SUN1: variants seen among roughly 807,000 people sequenced by gnomAD.
The protein encoded by SUN1 is Sad1 and UNC84 domain containing 1.
In SUN1, 61 loss-of-function variants were observed where a neutral mutation model predicts 103.2. The observed-to-expected ratio is 0.59, with a 90% CI of 0.48 to 0.73. The LOEUF (loss-of-function observed/expected upper bound fraction) is 0.73, where lower values mean the gene tolerates loss of function less well. SUN1 is among the 30% of genes least tolerant of loss of function. The pLI, the probability that SUN1 is intolerant of heterozygous loss-of-function variation, is 0.00. For missense variants in SUN1, 1,052 were observed against 1,034.6 expected, an observed-to-expected ratio of 1.02 and a Z score of -0.23; for synonymous variants, 490 against 425.7, an observed-to-expected ratio of 1.15 and a Z score of -1.86.
upstream of SUN1, among the ~76,000 whole-genome samples, chr7:829,678 C>T (rs1001291127): frequency 1.3e-5 from 2 of 152,172 alleles, no homozygotes; most frequent in South Asian, 4.2e-4. Context: ...CCTCAGCCTC[C>T]CGAGTACCTG....
intron 5 of SUN1, chr7:848,656 C>CT (rs1283722652): frequency 1.6e-6 from 2 of 1,275,522 alleles, no homozygotes; most frequent in Non-Finnish European, 2.0e-6. Context: ...ACCAATCACA[C>CT]TTTCGCAGTG....
chr7:833,375 A>T (rs1271254578), intron 1 of SUN1: 3 of 151,056 alleles, frequency 2.0e-5, no homozygotes, highest in Non-Finnish European at 4.4e-5. Context: ...CAGTGGTGCA[A>T]TCTCGGCTCA....
chr7:816,953 G>A (rs1415288848), intron 1 of SUN1: 1 of 152,638 alleles, frequency 6.6e-6, no homozygotes, highest in African/African-American at 2.4e-5. Flanking sequence ...CTCGTGGCGC[G>A]GGGTCGGGGG....
upstream of SUN1, among the ~76,000 whole-genome samples, chr7:829,474 C>T (rs1365872190): frequency 1.3e-5 from 2 of 151,900 alleles, no homozygotes; most frequent in Admixed American, 1.3e-4. Context: ...ATCGGTGGAC[C>T]TTTGCCTTTC....
chr7:831,984 A>G (rs925019075), upstream of SUN1: 11 of 958,042 alleles, frequency 1.1e-5, no homozygotes, highest in Admixed American at 6.1e-5. Context: ...AAAAGTGTAA[A>G]TAGTGCCTTA....
chr7:828,780 G>T (rs1295768456), upstream of SUN1, among the ~76,000 whole-genome samples: 1 of 152,168 alleles, frequency 6.6e-6, no homozygotes, highest in Non-Finnish European at 1.5e-5. Flanking sequence ...AGTGTCGATG[G>T]CTCTCCACCC....
chr7:820,318 T>C (rs1210782446), intron 1 of SUN1, among the ~76,000 whole-genome samples: 1 of 152,268 alleles, frequency 6.6e-6, no homozygotes, highest in African/African-American at 2.4e-5. Flanking sequence ...TCCTAAGTTT[T>C]TAATACTTTC....
intron 1 of SUN1, among the ~76,000 whole-genome samples, chr7:826,847 A>G (rs897665245): frequency 6.6e-6 from 1 of 152,142 alleles, no homozygotes; most frequent in African/African-American, 2.4e-5. Flanking sequence ...CCCATTGTTC[A>G]TGAGTGTTTC....
At position 821,158 on chromosome 7, in the gene SUN1, C is replaced by CTTTT. The variant is rs71546461; in HGVS notation, c.-74+4511_-74+4514dup. Among the ~76,000 whole-genome samples the CTTTT allele has an allele frequency of 2.9e-3, 201 of 68,996 alleles. 34 individuals are homozygous for CTTTT. The highest frequency in any genetic ancestry group is 6.3e-3 in the African/African-American group (108 of 17,216). The allele number at this position is 68,996 out of a possible 152,430, so 45.3% of individuals were successfully genotyped here. A position where few individuals can be genotyped will look rare whatever the true frequency, so the allele number is the denominator to read the frequency against. ...ATGCTAACATCTATATTCAGCACAT[C>CTTTT]TTTTTTTTTTTTTTTTTTTTTTTTT... On this transcript the variant is annotated intron_variant, in intron 1 of 17. Transcript: ENST00000389574.
upstream of SUN1, among the ~76,000 whole-genome samples, chr7:828,239 T>C (rs1032104623): frequency 2.1e-5 from 2 of 93,674 alleles, no homozygotes; most frequent in East Asian, 4.6e-3. Context: ...GATATATATG[T>C]ATGTTTTTGT....
At chr7:822,809 A>G (rs1243478025) in intron 1 of SUN1, among the ~76,000 whole-genome samples, 2 of 152,344 alleles carry the variant, frequency 1.3e-5, no homozygotes, top group Middle Eastern at 3.4e-3. Flanking sequence ...GAGGAAGCAT[A>G]TGAAGGCCTG....
upstream of SUN1, among the ~76,000 whole-genome samples, chr7:828,743 G>A (rs765608220): frequency 5.3e-5 from 8 of 152,176 alleles, no homozygotes; most frequent in Non-Finnish European, 7.4e-5. Flanking sequence ...ATCCCTGGCC[G>A]CTGTCTCCTG....
At chr7:815,630 C>G (rs1020083843), upstream of SUN1, among the ~76,000 whole-genome samples, 18 of 151,990 alleles carry the variant, frequency 1.2e-4, no homozygotes, top group Non-Finnish European at 2.4e-4. Flanking sequence ...GTAAATTACA[C>G]TTCGTTTTAA....
Position 869,492 on chromosome 7 carries a change from C to T in SUN1, c.2124C>T (p.Ser708=), listed in dbSNP as rs376370215. ...KTLSPTGNIS[S]APKDFAVYGL... ...TGTCGCCAACAGGCAACATCAGCAG[C>T]GCCCCCAAGGACTTCGCCGTCTATG... Residue 708 remains serine, a synonymous_variant, in exon 17 of 19, where the codon AGC becomes AGT. Transcript: ENST00000401592. The T allele has an allele frequency of 6.8e-6, 11 of 1,613,622 alleles. No homozygotes were observed. The highest frequency in any genetic ancestry group is 2.7e-5 in the African/African-American group (2 of 74,900).
rs775158954 is a variant in SUN1 at position 849,656 on chromosome 7, C to T, written c.659-1728C>T. 2.8e-4 allele frequency: 421 copies of T among 1,516,430 alleles called. 1 individual carries two copies. Among genetic ancestry groups the T allele is most frequent in the Admixed American group, 6.0e-4 (35 of 58,192 alleles). The allele number at this position is 1,516,430 out of a possible 1,614,324, so 93.9% of individuals were successfully genotyped here. On this transcript the variant is annotated intron_variant, in intron 5 of 18. Transcript: ENST00000401592. ...CGTCGGTCGTGGAGTTGGTCCCACA[C>T]GCTGTCATGTTGGGTACTAGCAGTA...
chr7:831,853 A>G (rs1289038640), upstream of SUN1: 1 of 171,234 alleles, frequency 5.8e-6, no homozygotes, highest in African/African-American at 2.4e-5. Flanking sequence ...GGGTGTGTGC[A>G]TGTGAGTATT....
chr7:824,976 T>C (rs1328986254), intron 1 of SUN1, among the ~76,000 whole-genome samples: 1 of 152,190 alleles, frequency 6.6e-6, no homozygotes, highest in Non-Finnish European at 1.5e-5. Context: ...AGACCTTGAA[T>C]TGGACCCCAG....
Position 851,425 on chromosome 7 carries a change from G to A in SUN1, c.700G>A (p.Gly234Ser). 2 of 1,610,436 alleles carry A rather than the reference G, an allele frequency of 1.2e-6. No homozygotes were observed. Among genetic ancestry groups the A allele is most frequent in the Non-Finnish European group, 1.7e-6 (2 of 1,178,432 alleles). Residue 234 changes from glycine to serine, a missense_variant, in exon 6 of 19, where the codon GGC becomes AGC. Gly to Ser is a moderately conservative substitution (Grantham distance 56). Around this residue, in one of 2 missense-constraint regions of SUN1, gnomAD observed 846 missense variants for 774.5 expected, o/e 1.09. Transcript: ENST00000401592. ...GATTCTGCGCAGGATCGGAGCTGTG[G>A]GCCAGGCTGTGTCCAGGACGGCGTG... ...LQILRRIGAV[G>S]QAVSRTAWSA... is the part of the protein sequence containing the mutation.
At chr7:857,788 G>T (rs1463309994) in intron 12 of SUN1, 40 bp from the exon 13 acceptor site, 1 of 1,529,076 alleles carries the variant, frequency 6.5e-7, no homozygotes, top group South Asian at 1.3e-5. Context: ...GTATAGGCTG[G>T]GAGGCTTGTG....
Sources: gnomAD v4.1 joint callset for allele counts (sites outside exome capture counted in the v4.1 genomes callset) on GRCh38, gnomAD v4.1.1 for gene constraint, gnomAD v4.1.1 regional missense constraint, MANE v1.5 for transcripts, NCBI Gene and HGNC (gene_info 2026-07-23, HGNC 2026-07-21) for gene names.